The following VSIR variants were observed in gnomAD, a reference collection of about 807,000 sequenced individuals.
VSIR encodes V-set immunoregulatory receptor, also known as V-type immunoglobulin domain-containing suppressor of T-cell activation.
VSIR carries 10 observed loss-of-function variants against 31.0 expected under a neutral mutation model. That is an observed-to-expected ratio of 0.32 (90% CI 0.20 to 0.55). VSIR has a LOEUF of 0.55. VSIR is among the 20% of genes least tolerant of loss of function. The pLI is 0.93. For synonymous variants in VSIR, 179 were observed against 180.1 expected (o/e 0.99, Z 0.05); for missense variants, 356 against 416.2 (o/e 0.86, Z 1.26).
chr10:71,753,865 C>T lies in VSIR; in HGVS notation c.677-863G>A, dbSNP rs947612807. ...TCAAACCATGGCTATTGCTTACAGC[C>T]GACTCATGGGTCAGGCTTCGTGCAG... On this transcript the variant is annotated intron_variant, in intron 4 of 6. Coordinates refer to ENST00000394957, the MANE Select transcript of VSIR (RefSeq NM_022153.2). 8 of 456,412 alleles carry T rather than the reference C, an allele frequency of 1.8e-5. No homozygotes were observed. In the East Asian group the frequency reaches 2.1e-4, roughly 12 times the overall value. The allele number at this position is 456,412 out of a possible 1,614,324, so 28.3% of individuals were successfully genotyped here.
At chr10:71,758,419 A>C (rs1284301577) in intron 3 of VSIR, among the ~76,000 whole-genome samples, 2 of 152,170 alleles carry the variant, frequency 1.3e-5, no homozygotes, top group African/African-American at 4.8e-5. Flanking sequence ...TTCTCAGAAG[A>C]GGGAGGTGCC....
intron 3 of VSIR, among the ~76,000 whole-genome samples, chr10:71,759,481 T>G (rs1352579308): frequency 6.6e-6 from 1 of 151,448 alleles, no homozygotes; most frequent in African/African-American, 2.4e-5. Context: ...CATTCCAGCC[T>G]GAGTGACAGA....
Position 71,747,671 on chromosome 10 carries a change from G to A in VSIR, c.*3582C>T, listed in dbSNP as rs1489812746. On this transcript the variant is annotated 3_prime_UTR_variant, in exon 7 of 7. Transcript: ENST00000394957. ...ACCTCCCAGGATTTTCAGGGAAGGG[G>A]GTGGATCAAACAAGTTACAACACAT... 1 of 152,240 alleles carries A rather than the reference G, an allele frequency of 6.6e-6. No individual in the cohort carries two copies. The highest frequency in any genetic ancestry group is 2.4e-5 in the African/African-American group (1 of 41,448). The allele number at this position is 152,240 out of a possible 1,614,324, so 9.4% of individuals were successfully genotyped here.
chr10:71,763,908 G>A (rs765614793), intron 1 of VSIR, among the ~76,000 whole-genome samples: 11 of 152,176 alleles, frequency 7.2e-5, no homozygotes, highest in Non-Finnish European at 1.2e-4. Context: ...CGATCCTGGG[G>A]CGCTTGTGTT....
At chr10:71,769,309 C>T (rs887158686) in intron 1 of VSIR, among the ~76,000 whole-genome samples, 2 of 152,016 alleles carry the variant, frequency 1.3e-5, no homozygotes, top group African/African-American at 4.8e-5. Flanking sequence ...AGACTCCGAG[C>T]CTTCCCAGGC....
chr10:71,762,512 C>G lies in VSIR; in HGVS notation c.83-486G>C, dbSNP rs538468275. Among the ~76,000 whole-genome samples, 237 of 152,378 alleles carry G rather than the reference C, an allele frequency of 1.6e-3. 1 individual carries two copies. The highest frequency in any genetic ancestry group is 5.4e-3 in the African/African-American group (225 of 41,594). ...GCACCTGCGTGTGCAAGGCCTGGGC[C>G]AGGTGCTGCATCTCACCTGCATGCT... On this transcript the variant is annotated intron_variant, in intron 1 of 6. Transcript: ENST00000394957.
chr10:71,760,076 TATATACACACAC>T lies in VSIR; in HGVS notation c.568+780_568+791del, dbSNP rs1423199418. On this transcript the variant is annotated intron_variant, in intron 3 of 6. Transcript: ENST00000394957. ...ACACATATATATACACACACACATA[TATATACACACAC>T]ATATACACACACACATACATACATA... Among the ~76,000 whole-genome samples the T allele has an allele frequency of 2.9e-5, 4 of 138,068 alleles. 2 individuals carry two copies. The highest frequency in any genetic ancestry group is 6.2e-5 in the Non-Finnish European group (4 of 64,678). The allele number at this position is 138,068 out of a possible 152,430, so 90.6% of individuals were successfully genotyped here.
At chr10:71,760,684 A>G in intron 3 of VSIR, 184 bp downstream of exon 3, 1 of 619,246 alleles carries the variant, frequency 1.6e-6, no homozygotes, top group Non-Finnish European at 2.9e-6. Flanking sequence ...ATGGAAGGAG[A>G]GTGGGCTTCT....
At chr10:71,759,914 C>CATATATACACACACACACACAT (rs1840272679) in intron 3 of VSIR, among the ~76,000 whole-genome samples, 1 of 56,820 alleles carries the variant, frequency 1.8e-5, no homozygotes, top group Non-Finnish European at 4.5e-5. Flanking sequence ...TACACACACA[C>CATATATACACACACACACACAT]ATATATACAC....
Position 71,751,399 on chromosome 10 carries a change from T to C in VSIR, c.899-109A>G, listed in dbSNP as rs1309695625. On this transcript the variant is annotated intron_variant, in intron 6 of 6. Transcript: ENST00000394957. The surrounding 1 kb of genome is among the most constrained non-coding windows in gnomAD (Gnocchi z 4.9). ...AGGGAGGTGAATGGGGGCCCCTCTG[T>C]CCCTCACCCTCAACCCCACCCCGTG... The C allele has an allele frequency of 1.1e-4, 57 of 541,176 alleles. No homozygotes were observed. Among genetic ancestry groups the C allele is most frequent in the South Asian group, 9.9e-4 (44 of 44,376 alleles). 33.5% of individuals were successfully genotyped at this position (541,176 alleles called of 1,614,324 possible).
intron 1 of VSIR, among the ~76,000 whole-genome samples, chr10:71,771,312 A>G (rs10762477): frequency 0.13 from 20,177 of 152,168 alleles, 1,627 homozygotes; most frequent in East Asian, 0.27. Context: ...TGAACACCAC[A>G]TTCATCACTA....
At chr10:71,753,999 G>C (rs559410912) in intron 4 of VSIR, among the ~76,000 whole-genome samples, 2 of 152,332 alleles carry the variant, frequency 1.3e-5, no homozygotes, top group East Asian at 3.9e-4. Context: ...AAGCAGGATG[G>C]AAATCCACAC....
At chr10:71,752,551 G>C (rs1840031340) in intron 5 of VSIR, among the ~76,000 whole-genome samples, 1 of 152,118 alleles carries the variant, frequency 6.6e-6, no homozygotes, top group South Asian at 2.1e-4. Context: ...CACCACTCTG[G>C]GACCCCTCAG....
At chr10:71,773,276 G>T in intron 1 of VSIR, 82 bp downstream of exon 1, 2 of 1,460,548 alleles carry the variant, frequency 1.4e-6, no homozygotes, top group South Asian at 2.5e-5. Flanking sequence ...GGGCCCCCAG[G>T]ACGCCCCCAT....
rs77310431 is a variant in VSIR at position 71,771,392 on chromosome 10, T to C, written c.82+1966A>G. On this transcript the variant is annotated intron_variant, in intron 1 of 6. Coordinates refer to ENST00000394957, the MANE Select transcript of VSIR (RefSeq NM_022153.2). ...GCTGGCCCCGGCCACTCTATCTCAC[T>C]TTCCCTGGCATAAAGGCTTTGACCT... Among the ~76,000 whole-genome samples the C allele has an allele frequency of 5.1e-3, 772 of 152,332 alleles. 9 individuals are homozygous for C. Among genetic ancestry groups the C allele is most frequent in the African/African-American group, 0.018 (731 of 41,578 alleles).
intron 1 of VSIR, among the ~76,000 whole-genome samples, chr10:71,768,515 C>G (rs545992652): frequency 6.6e-6 from 1 of 151,326 alleles, no homozygotes; most frequent in African/African-American, 2.4e-5. Flanking sequence ...GCTCTTCACT[C>G]AGGCTGGAAT....
In VSIR at chr10:71,760,044, TAC is replaced by T. The variant is rs1208954622; in HGVS notation, c.568+822_568+823del. On this transcript the variant is annotated intron_variant, in intron 3 of 6. Transcript: ENST00000394957. Reference sequence around the variant, plus strand: ...ACATATATACACACACACACATATATACACACACACATATATATACACACACA... The same window carrying T: ...ACATATATACACACACACACATATATACACACACATATATATACACACACA... Among the ~76,000 whole-genome samples the T allele has an allele frequency of 3.1e-4, 35 of 112,258 alleles. 6 individuals carry two copies. The Middle Eastern group carries it at 0.015, about 47-fold the overall frequency. 73.6% of individuals were successfully genotyped at this position (112,258 alleles called of 152,430 possible).
chr10:71,762,473 G>A (rs576831616), intron 1 of VSIR, among the ~76,000 whole-genome samples: 2 of 152,366 alleles, frequency 1.3e-5, no homozygotes, highest in East Asian at 3.9e-4. Context: ...TCCTTGCCAG[G>A]GAGCACTAAG....
intron 1 of VSIR, among the ~76,000 whole-genome samples, chr10:71,766,292 T>C (rs994352622): frequency 7.2e-5 from 11 of 152,134 alleles, no homozygotes; most frequent in African/African-American, 2.7e-4. Flanking sequence ...ACCCGGGGCC[T>C]GGGCCTGAGC....
Sources: gnomAD v4.1 joint callset for allele counts (sites outside exome capture counted in the v4.1 genomes callset) on GRCh38, gnomAD v4.1.1 for gene constraint, Gnocchi (gnomAD v3.1) non-coding constraint, MANE v1.5 for transcripts, NCBI Gene and HGNC (gene_info 2026-07-23, HGNC 2026-07-21) for gene names.